Variants in FAM184B observed in about 807,000 individuals in gnomAD.
FAM184B encodes the protein family with sequence similarity 184 member B.
FAM184B carries 111 observed loss-of-function variants against 135.9 expected under a neutral mutation model. The observed-to-expected ratio is 0.82, with a 90% CI of 0.70 to 0.96. FAM184B has a LOEUF of 0.96. Ranked by LOEUF, FAM184B falls within the 40% of genes least tolerant of loss-of-function variation. The pLI, the probability that FAM184B is intolerant of heterozygous loss-of-function variation, is 0.00. For synonymous variants in FAM184B, 552 were observed against 524.8 expected (o/e 1.05, Z -0.71); for missense variants, 1,375 against 1,323.9 (o/e 1.04, Z -0.60).
At chr4:17,688,393 TTTAA>T (rs1262177353) in intron 7 of FAM184B, 27 bp downstream of exon 7, 5 of 1,487,254 alleles carry the variant, frequency 3.4e-6, no homozygotes, top group Non-Finnish European at 4.6e-6. Flanking sequence ...AAGAAATATC[TTTAA>T]TTAAATCTGA....
At position 17,752,026 on chromosome 4, in the gene FAM184B, C is replaced by T. The variant is rs183546551; in HGVS notation, c.141+29133G>A. On this transcript the variant is annotated intron_variant, in intron 1 of 17. Transcript: ENST00000265018. ...CTGAGTGGGCTTCCCTACTGAGTGG[C>T]CAGAATCCCAGGGAAGCAGATGAAT... Among the ~76,000 whole-genome samples the T allele has an allele frequency of 1.1e-3, 173 of 151,288 alleles. 1 individual carries two copies. The highest frequency in any genetic ancestry group is 3.7e-4 in the Non-Finnish European group (25 of 67,928).
chr4:17,651,110 C>G (rs975704027), intron 11 of FAM184B, among the ~76,000 whole-genome samples: 11 of 152,076 alleles, frequency 7.2e-5, no homozygotes, highest in African/African-American at 2.7e-4. Flanking sequence ...ATCTTTAGTG[C>G]TCAGCATGAA....
intron 1 of FAM184B, among the ~76,000 whole-genome samples, chr4:17,755,510 A>G (rs1718398941): frequency 6.6e-6 from 1 of 152,206 alleles, no homozygotes; most frequent in Non-Finnish European, 1.5e-5. Context: ...TGATTCCTTA[A>G]AGATCTAGAA....
intron 6 of FAM184B, among the ~76,000 whole-genome samples, chr4:17,692,070 A>G (rs1475833799): frequency 6.6e-6 from 1 of 152,024 alleles, no homozygotes; most frequent in Non-Finnish European, 1.5e-5. Context: ...AAAAAAAAGA[A>G]TAACTGGGCT....
intron 1 of FAM184B, among the ~76,000 whole-genome samples, chr4:17,762,673 C>T (rs1007351962): frequency 2.6e-5 from 4 of 152,166 alleles, no homozygotes; most frequent in East Asian, 1.9e-4. Context: ...TTGGATAGAG[C>T]GACAGGAGTG....
At chr4:17,740,351 CA>C (rs55801096) in intron 1 of FAM184B, among the ~76,000 whole-genome samples, 12 of 84,514 alleles carry the variant, frequency 1.4e-4, no homozygotes, top group East Asian at 6.8e-4. Flanking sequence ...GACCCTGTCT[CA>C]AAAAAAAAAA....
intron 8 of FAM184B, among the ~76,000 whole-genome samples, chr4:17,663,615 AACACACACACAC>A (rs113627829): frequency 2.7e-5 from 4 of 150,546 alleles, no homozygotes; most frequent in African/African-American, 9.8e-5. Flanking sequence ...TCCCATTCAC[AACACACACACAC>A]ACACACACAC....
chr4:17,639,865 G>C (rs1161441504), intron 13 of FAM184B, among the ~76,000 whole-genome samples: 1 of 149,220 alleles, frequency 6.7e-6, no homozygotes, highest in East Asian at 2.0e-4. Context: ...TCTTGCTCTT[G>C]TTGCTCAGGG....
At chr4:17,678,800 A>G (rs147809155) in intron 7 of FAM184B, among the ~76,000 whole-genome samples, 425 of 152,360 alleles carry the variant, frequency 2.8e-3, no homozygotes, top group African/African-American at 9.7e-3. Context: ...CATAGTCACT[A>G]AAACAGCATG....
In FAM184B at chr4:17,726,695, T is replaced by C. The variant is rs73800373; in HGVS notation, c.142-17051A>G. On this transcript the variant is annotated intron_variant, in intron 1 of 17. Transcript: ENST00000265018. ...CCAAATGATGTCATTTTGACTCTACTTTTCCCCATCCCATAGTTTTGCTTT... is the reference window on the plus strand; with the variant it reads ...CCAAATGATGTCATTTTGACTCTACCTTTCCCCATCCCATAGTTTTGCTTT... 8.4e-3 allele frequency among the ~76,000 whole-genome samples: 1,283 copies of C among 152,262 alleles called. 19 individuals are homozygous for C. The highest frequency in any genetic ancestry group is 0.028 in the African/African-American group (1,179 of 41,562).
Position 17,658,369 on chromosome 4 carries a change from G to T in FAM184B, c.2018C>A (p.Ala673Asp). 1 of 1,551,596 alleles carries T rather than the reference G, an allele frequency of 6.4e-7. No individual in the cohort carries two copies. The highest frequency in any genetic ancestry group is 8.7e-7 in the Non-Finnish European group (1 of 1,146,974). ...HQRALRMLEK[A>D]RHQELKATEE... ...CCTCACCTTGAGTTCCTGATGTCTG[G>T]CCTTCTCCAGCATGCGCAGGGCTCT... The change falls in exon 10 of 18, where the codon GCC (alanine) becomes GAC (aspartate). Residue 673 changes from alanine to aspartate, a missense_variant. Coordinates refer to ENST00000265018, the MANE Select transcript of FAM184B (RefSeq NM_015688.2).
intron 7 of FAM184B, among the ~76,000 whole-genome samples, chr4:17,671,528 C>A (rs1343737228): frequency 6.6e-6 from 1 of 152,108 alleles, no homozygotes; most frequent in Non-Finnish European, 1.5e-5. Flanking sequence ...ATGGGGGATT[C>A]TCTTGTACAA....
chr4:17,710,347 G>C (rs60894282), intron 1 of FAM184B, among the ~76,000 whole-genome samples: 108,021 of 151,362 alleles, frequency 0.71, 39,466 homozygotes, highest in Non-Finnish European at 0.8. Flanking sequence ...AACAAACAAA[G>C]AAACAAAAAC....
intron 1 of FAM184B, among the ~76,000 whole-genome samples, chr4:17,719,356 A>T (rs1717468085): frequency 1.3e-5 from 2 of 152,208 alleles, no homozygotes; most frequent in Non-Finnish European, 2.9e-5. Context: ...ACGGCACAAG[A>T]TTTCATCATG....
intron 13 of FAM184B, among the ~76,000 whole-genome samples, chr4:17,640,232 G>A (rs62295566): frequency 0.52 from 77,877 of 149,356 alleles, 22,872 homozygotes; most frequent in East Asian, 0.88. Flanking sequence ...CAGCACTTTG[G>A]GAGGCCAAGG....
At chr4:17,735,355 A>G (rs905873849) in intron 1 of FAM184B, among the ~76,000 whole-genome samples, 1 of 152,150 alleles carries the variant, frequency 6.6e-6, no homozygotes, top group Non-Finnish European at 1.5e-5. Flanking sequence ...AATTAAATTA[A>G]AAAAAGAAAG....
At chr4:17,742,157 TATATATA>T (rs1191062603) in intron 1 of FAM184B, among the ~76,000 whole-genome samples, 1,577 of 105,772 alleles carry the variant, frequency 0.015, 21 homozygotes, top group South Asian at 0.031. Context: ...TATATATATA[TATATATA>T]TATATTTTTT....
intron 5 of FAM184B, among the ~76,000 whole-genome samples, chr4:17,698,919 C>G (rs547279123): frequency 3.8e-4 from 57 of 151,850 alleles, no homozygotes; most frequent in African/African-American, 1.2e-3. Context: ...ACTAAATAGG[C>G]AAAGAAGCAG....
At position 17,664,623 on chromosome 4, in the gene FAM184B, C is replaced by G. The variant is rs749647592; in HGVS notation, c.1633G>C (p.Gly545Arg). The part of the protein sequence containing the change: ...CLKLDETSPR[G>R]EEYQDKLAAE... ...GCTAACTTATCTTGATACTCCTCTC[C>G]TCTCGGCGAAGTTTCATCCAGCTTC... Residue 545 changes from glycine (G) to arginine (R), a missense_variant, in exon 8 of 18, where the codon GGA (glycine) becomes CGA (arginine). Gly to Arg is a moderately radical substitution (Grantham distance 125). Coordinates refer to ENST00000265018, the MANE Select transcript of FAM184B (RefSeq NM_015688.2). 31 of 1,551,318 alleles carry G rather than the reference C, an allele frequency of 2.0e-5. No individual in the cohort carries two copies. Among genetic ancestry groups the G allele is most frequent in the Non-Finnish European group, 2.7e-5 (31 of 1,147,000 alleles).
Sources: allele counts gnomAD v4.1 joint callset (sites outside exome capture counted in the v4.1 genomes callset), GRCh38; gene constraint gnomAD v4.1.1; transcripts MANE v1.5; gene names NCBI Gene and HGNC (gene_info 2026-07-23, HGNC 2026-07-21).